The following DLC1 variants were observed in gnomAD, a reference collection of about 807,000 sequenced individuals.
DLC1 encodes DLC1 Rho GTPase activating protein.
DLC1 carries 54 observed loss-of-function variants against 140.3 expected under a neutral mutation model. The observed-to-expected ratio is 0.38, with a 90% confidence interval of 0.31 to 0.48. DLC1 has a LOEUF of 0.48. Ranked by LOEUF, DLC1 falls within the 20% of genes least tolerant of loss-of-function variation. The probability of loss-of-function intolerance (pLI) is 0.96; values close to 1 mark genes in which losing one functional copy is unlikely to be tolerated. For missense variants in DLC1, 2,536 were observed against 1,907.0 expected, an observed-to-expected ratio of 1.33 and a Z score of -6.14; for synonymous variants, 986 against 728.1, an observed-to-expected ratio of 1.35 and a Z score of -5.70.
intron 1 of DLC1, among the ~76,000 whole-genome samples, chr8:13,547,394 C>T (rs926004592): frequency 2.0e-5 from 3 of 151,964 alleles, no homozygotes; most frequent in South Asian, 2.1e-4. Context: ...ACTCATATCA[C>T]GAATCACATT....
In DLC1 at chr8:13,095,098, A is replaced by G. The variant is rs1563579004; in HGVS notation, c.3315T>C (p.His1105=). The part of the protein sequence containing the change: ...IQQAMRYLRN[H]CLDQVGLFRK... ...GCAGCGCTCTCACCTGATCCAAACA[A>G]TGGTTCCGGAGGTATCGCATGGCCT... Residue 1105 remains histidine (H), a synonymous_variant, in exon 11 of 18, where the codon CAT becomes CAC. Coordinates refer to ENST00000276297, the MANE Select transcript of DLC1 (RefSeq NM_182643.3). 6.2e-7 allele frequency: 1 copy of G among 1,614,226 alleles called. No homozygotes were observed. The highest frequency in any genetic ancestry group is 8.5e-7 in the Non-Finnish European group (1 of 1,180,042).
chr8:13,462,393 A>G (rs1023397108), intron 2 of DLC1, among the ~76,000 whole-genome samples: 2 of 141,762 alleles, frequency 1.4e-5, no homozygotes, highest in Non-Finnish European at 1.5e-5. Context: ...TACCATTACT[A>G]TTCTTTTTTT....
At chr8:13,332,932 C>A (rs113680527) in intron 4 of DLC1, among the ~76,000 whole-genome samples, 1 of 152,004 alleles carries the variant, frequency 6.6e-6, no homozygotes, top group Non-Finnish European at 1.5e-5. Context: ...CCAAAATCTC[C>A]TGCCCAAAGG....
chr8:13,264,829 A>G (rs1188279), intron 5 of DLC1, among the ~76,000 whole-genome samples: 65,002 of 152,090 alleles, frequency 0.43, 14,244 homozygotes, highest in East Asian at 0.77. Flanking sequence ...ATATTGAAAC[A>G]AAAAACAATG....
chr8:13,589,409 A>C (rs1805441094), intron 1 of DLC1, among the ~76,000 whole-genome samples: 1 of 152,156 alleles, frequency 6.6e-6, no homozygotes, highest in African/African-American at 2.4e-5. Context: ...AAATTCTAGT[A>C]GACCTTTCTG....
chr8:13,240,172 A>G (rs554376393), intron 5 of DLC1, among the ~76,000 whole-genome samples: 1 of 152,284 alleles, frequency 6.6e-6, no homozygotes, highest in South Asian at 2.1e-4. Context: ...AGACCTGGGC[A>G]TATCTCTGTG....
intron 4 of DLC1, among the ~76,000 whole-genome samples, chr8:13,327,018 G>A (rs2410046): frequency 2.0e-5 from 3 of 151,722 alleles, no homozygotes; most frequent in Non-Finnish European, 4.4e-5. Flanking sequence ...GCAGTGGCAC[G>A]ATCTTGGCTC....
chr8:13,600,612 C>G (rs938058409), intron 1 of DLC1, among the ~76,000 whole-genome samples: 5 of 151,844 alleles, frequency 3.3e-5, no homozygotes, highest in Non-Finnish European at 7.4e-5. Flanking sequence ...AAAAATAGAT[C>G]ATTGCACTCC....
At chr8:13,430,837 T>C (rs1408129550) in intron 2 of DLC1, among the ~76,000 whole-genome samples, 2 of 152,240 alleles carry the variant, frequency 1.3e-5, no homozygotes, top group Admixed American at 6.5e-5. Flanking sequence ...TGCTGCTAAA[T>C]TTCCAATAAT....
intron 5 of DLC1, among the ~76,000 whole-genome samples, chr8:13,227,136 C>T (rs963633470): frequency 1.3e-5 from 2 of 152,120 alleles, no homozygotes; most frequent in Admixed American, 6.5e-5. Context: ...AATCCTCCCA[C>T]CACTATTAAT....
chr8:13,383,606 A>G (rs991769750), intron 4 of DLC1, among the ~76,000 whole-genome samples: 2 of 152,182 alleles, frequency 1.3e-5, no homozygotes, highest in African/African-American at 4.8e-5. Context: ...CTTTTTATAA[A>G]CATGCCCTTG....
Position 13,201,921 on chromosome 8 carries a change from GTTTTTTTTTTT to G in DLC1, c.1349-86275_1349-86265del, listed in dbSNP as rs35475930. On this transcript the variant is annotated intron_variant, in intron 5 of 17. Coordinates refer to ENST00000276297, the MANE Select transcript of DLC1 (RefSeq NM_182643.3). Reference sequence around the variant, plus strand: ...AGGTACTAAGTCTAGTACCCAAAAGGTTTTTTTTTTTTTTTTTTTTTTGGTTGGTTCGTTGT... The same window carrying G: ...AGGTACTAAGTCTAGTACCCAAAAGGTTTTTTTTTTTGGTTGGTTCGTTGT... Among the ~76,000 whole-genome samples the G allele has an allele frequency of 2.6e-4, 26 of 101,790 alleles. No individual in the cohort carries two copies. The South Asian group carries it at 8.2e-3, about 32-fold the overall frequency. The allele number at this position is 101,790 out of a possible 152,430, so 66.8% of individuals were successfully genotyped here. A position where few individuals can be genotyped will look rare whatever the true frequency, so the allele number is the denominator to read the frequency against.
intron 4 of DLC1, among the ~76,000 whole-genome samples, chr8:13,386,124 C>T (rs745594496): frequency 1.1e-4 from 16 of 152,078 alleles, no homozygotes; most frequent in Admixed American, 2.0e-4. Context: ...CATTGGTCCA[C>T]GGAAAAACTA....
intron 2 of DLC1, among the ~76,000 whole-genome samples, chr8:13,424,106 G>C (rs1180254197): frequency 1.3e-5 from 2 of 152,080 alleles, no homozygotes; most frequent in African/African-American, 2.4e-5. Flanking sequence ...CAAAAACACA[G>C]CAACAGTGTT....
chr8:13,238,528 G>GA (rs199732798), intron 5 of DLC1, among the ~76,000 whole-genome samples: 6,470 of 147,814 alleles, frequency 0.044, 277 homozygotes, highest in African/African-American at 0.11. Context: ...AAGAAAGAAA[G>GA]AAAAAAAAAA....
At chr8:13,467,279 G>C (rs10096874) in intron 2 of DLC1, among the ~76,000 whole-genome samples, 3,738 of 152,138 alleles carry the variant, frequency 0.025, 140 homozygotes, top group African/African-American at 0.085. Context: ...CACCTGCCCC[G>C]TTGGAATGTA....
chr8:13,496,591 CACACATACCT>C (rs970256524), intron 2 of DLC1, among the ~76,000 whole-genome samples: 4 of 129,656 alleles, frequency 3.1e-5, no homozygotes, highest in African/African-American at 8.3e-5. Context: ...CACACACACA[CACACATACCT>C]ACACACACAC....
intron 1 of DLC1, among the ~76,000 whole-genome samples, chr8:13,542,383 A>G (rs1001262898): frequency 1.6e-4 from 25 of 152,186 alleles, no homozygotes; most frequent in Non-Finnish European, 1.6e-4. Flanking sequence ...TTCTGGGCAC[A>G]CTGTTCTGTA....
chr8:13,156,870 A>G (rs1563118780), intron 5 of DLC1, among the ~76,000 whole-genome samples: 1 of 152,094 alleles, frequency 6.6e-6, no homozygotes, highest in Non-Finnish European at 1.5e-5. Context: ...GTCAATGTAT[A>G]TTTTCCGAGA....
Sources: gnomAD v4.1 joint callset for allele counts (sites outside exome capture counted in the v4.1 genomes callset) on GRCh38, gnomAD v4.1.1 for gene constraint, MANE v1.5 for transcripts, NCBI Gene and HGNC (gene_info 2026-07-23, HGNC 2026-07-21) for gene names.